Variants in RELN observed in about 807,000 individuals in gnomAD.
RELN encodes reelin.
In RELN, 108 loss-of-function variants were observed where a neutral mutation model predicts 427.6. The observed-to-expected ratio is 0.25, with a 90% CI of 0.22 to 0.30. The LOEUF (loss-of-function observed/expected upper bound fraction) is 0.30. Ranked by LOEUF, RELN falls within the 10% of genes least tolerant of loss-of-function variation. The pLI, the probability that RELN is intolerant of heterozygous loss-of-function variation, is 1.00. For synonymous variants in RELN, 1,524 were observed against 1,513.4 expected (o/e 1.01, Z -0.16); for missense variants, 3,715 against 4,302.8 (o/e 0.86, Z 3.82).
chr7:103,749,528 G>T, intron 5 of RELN, 24 bp from the exon 6 acceptor site: 1 of 1,532,406 alleles, frequency 6.5e-7, no homozygotes, highest in Non-Finnish European at 9.0e-7. Context: ...GAAGTATTTA[G>T]GAAAGAAATA....
chr7:103,515,227 C>A lies in RELN; in HGVS notation c.8077G>T (p.Gly2693Trp). 1 of 1,614,188 alleles carries A rather than the reference C, an allele frequency of 6.2e-7. No individual in the cohort carries two copies. Among genetic ancestry groups the A allele is most frequent in the East Asian group, 2.2e-5 (1 of 44,876 alleles). The change falls in exon 50 of 65, where the codon GGG (glycine) becomes TGG (tryptophan). Residue 2693 changes from glycine to tryptophan, a missense_variant. Gly to Trp is a radical substitution (Grantham distance 184). This residue lies in a region of RELN where 1,310 missense variants were observed against 1,643.0 expected (regional missense o/e 0.80). Coordinates refer to ENST00000428762, the MANE Select transcript of RELN (RefSeq NM_005045.4). ...ERSPADAGPV[G>W]RIAFDMFMED... ...ATAAACATGTCAAAGGCGATCCTCCCGACAGGGCCGGCATCTGCAGGGGAG... is the reference window on the plus strand; with the variant it reads ...ATAAACATGTCAAAGGCGATCCTCCAGACAGGGCCGGCATCTGCAGGGGAG...
intron 3 of RELN, among the ~76,000 whole-genome samples, chr7:103,813,281 C>T: frequency 6.6e-6 from 1 of 152,154 alleles, no homozygotes; most frequent in South Asian, 2.1e-4. Context: ...CTCAGTAACA[C>T]TGCATGGGAA....
At chr7:103,987,738 T>C (rs1206477815) in intron 1 of RELN, among the ~76,000 whole-genome samples, 1 of 152,182 alleles carries the variant, frequency 6.6e-6, no homozygotes, top group Non-Finnish European at 1.5e-5. Flanking sequence ...ACTAGATTGT[T>C]CTTGGGAAGA....
rs17157005 is a variant in RELN, at chr7:103,886,048, A to T, written c.337+31027T>A. On this transcript the variant is annotated intron_variant, in intron 2 of 64. Transcript: ENST00000428762. ...AGTAAATAGATCTTAAAAACAATTT[A>T]TGTGAAGTGACTAAATATTAGAGAC... Among the ~76,000 whole-genome samples, 603 of 152,308 alleles carry T rather than the reference A, an allele frequency of 4.0e-3. 23 individuals carry two copies. The East Asian group carries it at 0.072, about 18-fold the overall frequency.
At chr7:103,914,490 A>G (rs1182687530) in intron 2 of RELN, among the ~76,000 whole-genome samples, 1 of 152,158 alleles carries the variant, frequency 6.6e-6, no homozygotes, top group African/African-American at 2.4e-5. Context: ...GGAAGTGTAT[A>G]TAAGCCCTGG....
At chr7:103,914,384 C>T (rs1227078741) in intron 2 of RELN, among the ~76,000 whole-genome samples, 1 of 152,002 alleles carries the variant, frequency 6.6e-6, no homozygotes, top group Non-Finnish European at 1.5e-5. Context: ...ATGATAGTTC[C>T]TTAATTCAGC....
intron 51 of RELN, among the ~76,000 whole-genome samples, chr7:103,505,294 C>A (rs950582523): frequency 6.6e-6 from 1 of 152,140 alleles, no homozygotes; most frequent in African/African-American, 2.4e-5. Context: ...CAGTAGGGGC[C>A]GACAGACACC....
chr7:103,692,674 T>C (rs1833896684), intron 10 of RELN, among the ~76,000 whole-genome samples: 1 of 152,078 alleles, frequency 6.6e-6, no homozygotes, highest in Non-Finnish European at 1.5e-5. Flanking sequence ...GATGACTCTT[T>C]TGGTCTATCA....
At chr7:103,773,271 GTCTC>G (rs1216349622) in intron 4 of RELN, among the ~76,000 whole-genome samples, 2 of 27,066 alleles carry the variant, frequency 7.4e-5, no homozygotes, top group African/African-American at 3.3e-4. Context: ...CTCTCTCCCT[GTCTC>G]TCTCTCTCCC....
intron 3 of RELN, among the ~76,000 whole-genome samples, chr7:103,790,596 G>A (rs1174195175): frequency 6.6e-6 from 1 of 152,098 alleles, no homozygotes; most frequent in African/African-American, 2.4e-5. Flanking sequence ...ATGTGATAGA[G>A]TTTGGAGATG....
intron 23 of RELN, 135 bp downstream of exon 23, chr7:103,604,211 A>G (rs1361179755): frequency 6.2e-6 from 6 of 973,168 alleles, no homozygotes; most frequent in Non-Finnish European, 9.7e-6. Flanking sequence ...TACAAACAGA[A>G]AGGAGGACTT....
intron 4 of RELN, among the ~76,000 whole-genome samples, chr7:103,773,107 TC>T (rs1563004114): frequency 1.0e-3 from 37 of 35,792 alleles, no homozygotes; most frequent in African/African-American, 3.2e-3. Context: ...CTCTTTTCTT[TC>T]TTTCTTTCTT....
chr7:103,778,395 C>A (rs1347774953), intron 3 of RELN, among the ~76,000 whole-genome samples: 4 of 152,184 alleles, frequency 2.6e-5, no homozygotes, highest in African/African-American at 9.7e-5. Flanking sequence ...CAAGAAAAGT[C>A]CTACGACAGG....
intron 46 of RELN, among the ~76,000 whole-genome samples, chr7:103,525,154 G>C (rs1829795090): frequency 6.6e-6 from 1 of 151,918 alleles, no homozygotes; most frequent in Non-Finnish European, 1.5e-5. Flanking sequence ...CTTTCTGCCT[G>C]GTTAACCTCT....
chr7:103,742,378 C>T (rs531966), intron 6 of RELN, among the ~76,000 whole-genome samples: 33,591 of 152,110 alleles, frequency 0.22, 4,949 homozygotes, highest in African/African-American at 0.42. Context: ...TCCAAAGGAA[C>T]GCAGCTCCTC....
intron 8 of RELN, among the ~76,000 whole-genome samples, chr7:103,704,721 T>C (rs1230916620): frequency 6.6e-6 from 1 of 152,092 alleles, no homozygotes; most frequent in Non-Finnish European, 1.5e-5. Flanking sequence ...CCCCACCTTC[T>C]GCTCCTTCCC....
chr7:103,603,291 C>G lies in RELN; in HGVS notation c.3333+13G>C. 3 of 1,608,248 alleles carry G rather than the reference C, an allele frequency of 1.9e-6. No homozygotes were observed. The highest frequency in any genetic ancestry group is 2.6e-6 in the Non-Finnish European group (3 of 1,174,744). ...CCATTGCCCCGATGACTTATCCCAG[C>G]TGTTGGTCATACCTTGCTGAAGTAC... On this transcript the variant is annotated intron_variant, in intron 24 of 64. Transcript: ENST00000428762. The surrounding 1 kb of genome is among the most constrained non-coding windows in gnomAD (Gnocchi z 4.3).
intron 38 of RELN, among the ~76,000 whole-genome samples, chr7:103,556,608 C>T (rs899414801): frequency 6.6e-6 from 1 of 152,072 alleles, no homozygotes; most frequent in Admixed American, 6.6e-5. Context: ...CCATAATGTT[C>T]TTGTGGCAGT....
chr7:103,933,285 G>A (rs1795904056), intron 1 of RELN, among the ~76,000 whole-genome samples: 1 of 152,130 alleles, frequency 6.6e-6, no homozygotes, highest in Non-Finnish European at 1.5e-5. Flanking sequence ...TGCATAATTT[G>A]ATGTTTACTA....
Sources: gnomAD v4.1 joint callset for allele counts (sites outside exome capture counted in the v4.1 genomes callset) on GRCh38, gnomAD v4.1.1 for gene constraint, gnomAD v4.1.1 regional missense constraint, Gnocchi (gnomAD v3.1) non-coding constraint, MANE v1.5 for transcripts, NCBI Gene and HGNC (gene_info 2026-07-23, HGNC 2026-07-21) for gene names.